Variants in SH3BP2 observed in about 807,000 individuals in gnomAD.
SH3BP2 encodes the protein SH3 domain-binding protein 2.
Under a neutral mutation model 56.2 loss-of-function variants are expected in SH3BP2, and 38 were observed. That is an observed-to-expected ratio of 0.68 (90% confidence interval 0.52 to 0.89). SH3BP2 has a LOEUF of 0.89. Ranked by LOEUF, SH3BP2 falls within the 40% of genes least tolerant of loss-of-function variation. SH3BP2 has a pLI of 0.00. For missense variants in SH3BP2, 748 were observed against 762.6 expected (o/e 0.98, Z 0.23); for synonymous variants, 346 against 316.7 (o/e 1.09, Z -0.98).
chr4:2,827,440 G>A (rs544807452), intron 6 of SH3BP2, 122 bp downstream of exon 6: 19 of 1,174,788 alleles, frequency 1.6e-5, no homozygotes, highest in South Asian at 1.4e-4. Flanking sequence ...TTGGCAGTGC[G>A]CAGTAGCATC....
chr4:2,811,229 G>A (rs935411688), intron 1 of SH3BP2, among the ~76,000 whole-genome samples: 16 of 152,240 alleles, frequency 1.1e-4, no homozygotes, highest in African/African-American at 3.9e-4. Context: ...CTATGGGACA[G>A]CTTGGGACCT....
At chr4:2,819,859 AG>A (rs1320152981) in intron 1 of SH3BP2, among the ~76,000 whole-genome samples, 3 of 146,930 alleles carry the variant, frequency 2.0e-5, no homozygotes, top group Non-Finnish European at 4.5e-5. Context: ...AGCATGAGTA[AG>A]GGGGGCTGGA....
intron 7 of SH3BP2, among the ~76,000 whole-genome samples, chr4:2,828,491 G>C (rs984020197): frequency 6.6e-6 from 1 of 152,074 alleles, no homozygotes; most frequent in Non-Finnish European, 1.5e-5. Flanking sequence ...AGCCCACGAG[G>C]GTCTGCGGGC....
chr4:2,797,519 C>G (rs1723103896), intron 1 of SH3BP2, among the ~76,000 whole-genome samples: 1 of 152,198 alleles, frequency 6.6e-6, no homozygotes, highest in African/African-American at 2.4e-5. Context: ...GCTCACCTGC[C>G]TGGCCCACCT....
chr4:2,816,771 C>T (rs999701475), intron 1 of SH3BP2, among the ~76,000 whole-genome samples: 5 of 152,196 alleles, frequency 3.3e-5, no homozygotes, highest in African/African-American at 1.2e-4. Flanking sequence ...TCCTTGTATT[C>T]CTGGGATAAA....
At chr4:2,806,653 A>T (rs1381248862) in intron 1 of SH3BP2, among the ~76,000 whole-genome samples, 1 of 151,908 alleles carries the variant, frequency 6.6e-6, no homozygotes, top group Non-Finnish European at 1.5e-5. Flanking sequence ...CTCGGCCTGG[A>T]AGCCCGCCCT....
chr4:2,805,211 C>T (rs563841121), intron 1 of SH3BP2, among the ~76,000 whole-genome samples: 11 of 152,212 alleles, frequency 7.2e-5, no homozygotes, highest in African/African-American at 1.2e-4. Context: ...CCCCTGGGCC[C>T]GGAGGGTCAG....
At chr4:2,826,157 C>T (rs1343872340) in intron 5 of SH3BP2, among the ~76,000 whole-genome samples, 2 of 152,258 alleles carry the variant, frequency 1.3e-5, no homozygotes, top group Non-Finnish European at 2.9e-5. Flanking sequence ...CCTTGTGGGC[C>T]AGAAGGGGCA....
At chr4:2,804,289 C>T (rs771139335) in intron 1 of SH3BP2, among the ~76,000 whole-genome samples, 9 of 152,168 alleles carry the variant, frequency 5.9e-5, no homozygotes, top group Non-Finnish European at 1.0e-4. Context: ...CCAGCAGCTC[C>T]GGGACTGCCC....
At position 2,836,548 on chromosome 4, in the gene SH3BP2, A is replaced by G. The variant is rs927506445; in HGVS notation, c.*2714A>G. On this transcript the variant is annotated 3_prime_UTR_variant, in exon 13 of 13. Transcript: ENST00000503393. ...CACTAACTGGCATGTGACCCTATCT[A>G]TCCTTCACTGCTCTGAGCCTAGACC... 7 of 152,328 alleles carry G rather than the reference A, an allele frequency of 4.6e-5. No homozygotes were observed. The highest frequency in any genetic ancestry group is 2.0e-4 in the Admixed American group (3 of 15,298). 9.4% of individuals were successfully genotyped at this position (152,328 alleles called of 1,614,324 possible).
At chr4:2,812,524 C>G (rs1240550733) in intron 1 of SH3BP2, 5 of 1,531,158 alleles carry the variant, frequency 3.3e-6, no homozygotes, top group Non-Finnish European at 4.4e-6. Flanking sequence ...CGGCACTGGT[C>G]TAGCACCTGA....
In SH3BP2 at chr4:2,838,846, T is replaced by C. The variant is rs1234387872; in HGVS notation, c.*5012T>C. ...CATGTCTCTGATGCACGTGTGTTTT[T>C]TGCAAATGGTGCACAAATTTTTCTA... On this transcript the variant is annotated 3_prime_UTR_variant, in exon 13 of 13. Coordinates refer to ENST00000503393, the MANE Select transcript of SH3BP2 (RefSeq NM_001122681.2). The C allele has an allele frequency of 6.6e-6, 1 of 152,200 alleles. No homozygotes were observed. Among genetic ancestry groups the C allele is most frequent in the African/African-American group, 2.4e-5 (1 of 41,422 alleles). The allele number at this position is 152,200 out of a possible 1,614,324, so 9.4% of individuals were successfully genotyped here. A position where few individuals can be genotyped will look rare whatever the true frequency, so the allele number is the denominator to read the frequency against.
intron 12 of SH3BP2, chr4:2,833,319 G>A (rs987388572): frequency 1.7e-6 from 1 of 584,682 alleles, no homozygotes; most frequent in Non-Finnish European, 3.0e-6. Flanking sequence ...TTTTCTTTTT[G>A]CGGGGACAGG....
At chr4:2,822,901 A>C (rs749796272) in intron 2 of SH3BP2, 34 bp from the exon 3 acceptor site, 1 of 1,567,374 alleles carries the variant, frequency 6.4e-7, no homozygotes, top group East Asian at 2.2e-5. Context: ...CTGCCCCTCC[A>C]GGCTCACCTT....
At chr4:2,832,536 C>T in intron 11 of SH3BP2, 124 bp downstream of exon 11, 1 of 780,726 alleles carries the variant, frequency 1.3e-6, no homozygotes, top group Non-Finnish European at 2.3e-6. Flanking sequence ...GGTGTCTCAG[C>T]TGAATTCTCT....
At chr4:2,832,905 GCCC>G (rs770415893) in intron 11 of SH3BP2, 82 bp from the exon 12 acceptor site, 51 of 1,372,512 alleles carry the variant, frequency 3.7e-5, no homozygotes, top group Non-Finnish European at 3.7e-5. Flanking sequence ...TGATGGTTCT[GCCC>G]CCCTATCCCC....
chr4:2,830,702 C>T (rs1184177276), intron 8 of SH3BP2, among the ~76,000 whole-genome samples: 1 of 152,214 alleles, frequency 6.6e-6, no homozygotes, highest in Admixed American at 6.5e-5. Flanking sequence ...TGCCAGGAGA[C>T]CAGTTTGTCC....
In SH3BP2 at chr4:2,832,368, G is replaced by C. The variant is rs1397043022; in HGVS notation, c.1444G>C (p.Asp482His). ...KATSPRGEPQDGLYCIRNSST... is the reference protein window; with the variant it reads ...KATSPRGEPQHGLYCIRNSST... ...TACAAGCCCCCGGGGAGAGCCCCAGGATGGACTCTACTGCATCCGGAACTC... is the reference window on the plus strand; with the variant it reads ...TACAAGCCCCCGGGGAGAGCCCCAGCATGGACTCTACTGCATCCGGAACTC... Residue 482 changes from aspartate (D) to histidine (H), a missense_variant, in exon 11 of 13, where the codon GAT becomes CAT. Asp to His is a moderately conservative substitution (Grantham distance 81). Coordinates refer to ENST00000503393, the MANE Select transcript of SH3BP2 (RefSeq NM_001122681.2). 6.2e-7 allele frequency: 1 copy of C among 1,614,024 alleles called. No individual in the cohort carries two copies. The highest frequency in any genetic ancestry group is 1.3e-5 in the African/African-American group (1 of 74,932).
chr4:2,832,262 G>A lies in SH3BP2; in HGVS notation c.1407-69G>A, dbSNP rs1022797017. On this transcript the variant is annotated intron_variant, in intron 10 of 12. Transcript: ENST00000503393. ...AGGACAGAAAGCCAGGCTTGGGAGC[G>A]GGGCGGGAAGGTCCGTGTGAAAGCT... 2.4e-5 allele frequency: 31 copies of A among 1,304,980 alleles called. No individual in the cohort carries two copies. In the African/African-American group the frequency reaches 3.2e-4, roughly 13 times the overall value. The allele number at this position is 1,304,980 out of a possible 1,614,324, so 80.8% of individuals were successfully genotyped here.
Sources: gnomAD v4.1 joint callset for allele counts (sites outside exome capture counted in the v4.1 genomes callset) on GRCh38, gnomAD v4.1.1 for gene constraint, MANE v1.5 for transcripts, NCBI Gene and HGNC (gene_info 2026-07-23, HGNC 2026-07-21) for gene names.